Variants in SNX9 observed in about 807,000 individuals in gnomAD.
SNX9 encodes sorting nexin-9.
In SNX9, 44 loss-of-function variants were observed where a neutral mutation model predicts 89.4. That is an observed-to-expected ratio of 0.49 (90% CI 0.39 to 0.63). SNX9 has a LOEUF of 0.63. Ranked by LOEUF, SNX9 falls within the 30% of genes least tolerant of loss-of-function variation. The probability of loss-of-function intolerance (pLI) is 0.00; values close to 1 mark genes in which losing one functional copy is unlikely to be tolerated. For synonymous variants in SNX9, 236 were observed against 247.8 expected, an observed-to-expected ratio of 0.95 and a Z score of 0.45; for missense variants, 578 against 736.1, an observed-to-expected ratio of 0.79 and a Z score of 2.49.
intron 5 of SNX9, among the ~76,000 whole-genome samples, chr6:157,900,506 C>T (rs1389282727): frequency 1.3e-5 from 2 of 152,018 alleles, no homozygotes; most frequent in African/African-American, 2.4e-5. Flanking sequence ...CACAAGATAG[C>T]GAAAGCTGGG....
chr6:157,904,192 T>G (rs1783163108), intron 6 of SNX9, among the ~76,000 whole-genome samples: 1 of 152,098 alleles, frequency 6.6e-6, no homozygotes, highest in South Asian at 2.1e-4. Flanking sequence ...TCCTAGCACT[T>G]TGGGAGGCCG....
chr6:157,929,833 GC>G (rs1317452494), intron 12 of SNX9, among the ~76,000 whole-genome samples: 2 of 152,122 alleles, frequency 1.3e-5, no homozygotes, highest in Non-Finnish European at 2.9e-5. Flanking sequence ...AGATAGCACA[GC>G]AAAGACAATG....
chr6:157,877,217 A>G (rs1430194484), intron 4 of SNX9, among the ~76,000 whole-genome samples: 3 of 151,196 alleles, frequency 2.0e-5, no homozygotes, highest in Admixed American at 6.6e-5. Context: ...TTTAATATAA[A>G]CTGGTATAAG....
intron 4 of SNX9, 64 bp downstream of exon 4, chr6:157,875,240 G>A (rs1782496180): frequency 6.5e-7 from 1 of 1,548,568 alleles, no homozygotes; most frequent in Admixed American, 1.9e-5. Context: ...TATTTGTGAA[G>A]GCTTGTGATG....
intron 9 of SNX9, among the ~76,000 whole-genome samples, chr6:157,916,495 G>T (rs1783475006): frequency 6.6e-6 from 1 of 152,114 alleles, no homozygotes; most frequent in Admixed American, 6.5e-5. Context: ...ATCATCTTTG[G>T]CTTATTCCTG....
At chr6:157,835,436 A>G (rs1038895147) in intron 1 of SNX9, among the ~76,000 whole-genome samples, 4 of 143,296 alleles carry the variant, frequency 2.8e-5, no homozygotes, top group Non-Finnish European at 4.5e-5. Flanking sequence ...TTTTTTAAAT[A>G]GAGTCTTGCT....
Position 157,932,246 on chromosome 6 carries a change from C to T in SNX9, c.1340C>T (p.Thr447Ile), listed in dbSNP as rs537979505. ...GGAAAGGCCTTGCAGAGTTTGGCCA[C>T]AGTGTTCAGTTCCAGTGGCTATCAA... ...KIGKALQSLA[T>I]VFSSSGYQGE... The change falls in exon 13 of 18, where the codon ACA becomes ATA. Residue 447 changes from threonine to isoleucine, a missense_variant. Around this residue, in one of 2 missense-constraint regions of SNX9, gnomAD observed 348 missense variants for 491.4 expected, o/e 0.71. Transcript: ENST00000392185. 7 of 1,614,166 alleles carry T rather than the reference C, an allele frequency of 4.3e-6. No homozygotes were observed. Among genetic ancestry groups the T allele is most frequent in the African/African-American group, 2.7e-5 (2 of 75,040 alleles).
intron 1 of SNX9, among the ~76,000 whole-genome samples, chr6:157,832,448 G>T (rs1247318099): frequency 6.6e-6 from 1 of 152,180 alleles, no homozygotes; most frequent in African/African-American, 2.4e-5. Flanking sequence ...CAGGCTCCTG[G>T]CACAGTTCCT....
At chr6:157,893,775 T>C (rs1034901150) in intron 4 of SNX9, among the ~76,000 whole-genome samples, 1 of 152,198 alleles carries the variant, frequency 6.6e-6, no homozygotes, top group Non-Finnish European at 1.5e-5. Flanking sequence ...TGAAAATCAG[T>C]ATTTTAACTC....
chr6:157,837,948 G>A (rs1781617390), intron 1 of SNX9, among the ~76,000 whole-genome samples: 1 of 152,186 alleles, frequency 6.6e-6, no homozygotes, highest in South Asian at 2.1e-4. Flanking sequence ...GTTAACATTA[G>A]AATATTATTA....
At chr6:157,888,128 G>A (rs914051988) in intron 4 of SNX9, among the ~76,000 whole-genome samples, 1 of 152,224 alleles carries the variant, frequency 6.6e-6, no homozygotes, top group Non-Finnish European at 1.5e-5. Flanking sequence ...CTGTGGCTCT[G>A]TGGTTAGCTT....
intron 1 of SNX9, among the ~76,000 whole-genome samples, chr6:157,840,452 C>CCT (rs1562590949): frequency 1.3e-4 from 19 of 147,894 alleles, no homozygotes; most frequent in South Asian, 6.6e-4. Flanking sequence ...CTTTCCTTTC[C>CCT]TTCCTTCCTT....
intron 11 of SNX9, 48 bp downstream of exon 11, chr6:157,927,262 C>T: frequency 7.3e-7 from 1 of 1,369,088 alleles, no homozygotes; most frequent in Non-Finnish European, 1.0e-6. Flanking sequence ...GCACCCTCCT[C>T]CTTTGGCCAT....
At chr6:157,839,758 C>A (rs1484270834) in intron 1 of SNX9, among the ~76,000 whole-genome samples, 3 of 152,190 alleles carry the variant, frequency 2.0e-5, no homozygotes, top group Non-Finnish European at 4.4e-5. Flanking sequence ...GTGACCCCAT[C>A]TTGCCCTCCA....
At chr6:157,877,397 T>C (rs1782541789) in intron 4 of SNX9, among the ~76,000 whole-genome samples, 5 of 152,198 alleles carry the variant, frequency 3.3e-5, no homozygotes, top group Admixed American at 3.3e-4. Flanking sequence ...AATTTGAGCA[T>C]TTGAATTTAA....
At chr6:157,846,353 A>T (rs1285364021) in intron 1 of SNX9, among the ~76,000 whole-genome samples, 1 of 152,246 alleles carries the variant, frequency 6.6e-6, no homozygotes, top group Non-Finnish European at 1.5e-5. Flanking sequence ...GGTGAGGTTT[A>T]TGTTAGCTCT....
chr6:157,844,908 T>TTTGTC (rs1781776249), intron 1 of SNX9, among the ~76,000 whole-genome samples: 1 of 151,902 alleles, frequency 6.6e-6, no homozygotes, highest in Non-Finnish European at 1.5e-5. Context: ...GTCCTTGTTT[T>TTTGTC]AAACATCTTT....
chr6:157,873,516 T>C (rs2115140701), intron 3 of SNX9, among the ~76,000 whole-genome samples: 1 of 144,758 alleles, frequency 6.9e-6, no homozygotes, highest in Admixed American at 6.8e-5. Context: ...TTCAATAAGA[T>C]ATATGAAATT....
At chr6:157,919,945 A>G (rs977895984) in intron 9 of SNX9, among the ~76,000 whole-genome samples, 2 of 151,474 alleles carry the variant, frequency 1.3e-5, no homozygotes, top group Non-Finnish European at 2.9e-5. Context: ...CTGGAAGTTC[A>G]GTTATTGCTG....
Sources: gnomAD v4.1 joint callset for allele counts (sites outside exome capture counted in the v4.1 genomes callset) on GRCh38, gnomAD v4.1.1 for gene constraint, gnomAD v4.1.1 regional missense constraint, MANE v1.5 for transcripts, NCBI Gene and HGNC (gene_info 2026-07-23, HGNC 2026-07-21) for gene names.